PXDNL: variants seen among roughly 807,000 people sequenced by gnomAD.
PXDNL encodes peroxidasin like, also known as probable oxidoreductase PXDNL.
Under a neutral mutation model 150.8 loss-of-function variants are expected in PXDNL, and 145 were observed. The ratio of observed to expected loss-of-function variants is 0.96; its 90% CI spans 0.84 to 1.10. The LOEUF (loss-of-function observed/expected upper bound fraction) is 1.10. Ranked by LOEUF, PXDNL falls within the 50% of genes least tolerant of loss-of-function variation. PXDNL has a pLI of 0.00. For missense variants in PXDNL, 2,087 were observed against 1,873.9 expected, an observed-to-expected ratio of 1.11 and a Z score of -2.10; for synonymous variants, 757 against 725.7, an observed-to-expected ratio of 1.04 and a Z score of -0.69.
At chr8:51,406,127 G>A (rs577749597) in intron 17 of PXDNL, among the ~76,000 whole-genome samples, 18 of 152,250 alleles carry the variant, frequency 1.2e-4, no homozygotes, top group African/African-American at 3.9e-4. Context: ...GAGGAATTTG[G>A]GACAGGAAAT....
intron 4 of PXDNL, among the ~76,000 whole-genome samples, chr8:51,543,631 G>A (rs1199589254): frequency 6.8e-6 from 1 of 146,064 alleles, no homozygotes; most frequent in Non-Finnish European, 1.5e-5. Context: ...AGAATCACTT[G>A]AATCTGGGAG....
intron 7 of PXDNL, 47 bp from the exon 8 acceptor site, chr8:51,472,351 T>C (rs1810363199): frequency 7.0e-7 from 1 of 1,436,152 alleles, no homozygotes; most frequent in South Asian, 1.2e-5. Flanking sequence ...TACAAAATTA[T>C]GGCCTTCCAA....
intron 4 of PXDNL, among the ~76,000 whole-genome samples, chr8:51,547,548 A>T (rs1003360360): frequency 1.3e-5 from 2 of 152,186 alleles, no homozygotes; most frequent in Non-Finnish European, 2.9e-5. Context: ...GCACCAGCCT[A>T]CAGCCCAGTA....
intron 21 of PXDNL, among the ~76,000 whole-genome samples, chr8:51,332,116 C>T (rs1466310781): frequency 6.6e-6 from 1 of 152,136 alleles, no homozygotes; most frequent in African/African-American, 2.4e-5. Flanking sequence ...TGCTGGCATC[C>T]ATGGCTGAGA....
At chr8:51,528,638 C>CA (rs1811815859) in intron 4 of PXDNL, among the ~76,000 whole-genome samples, 1 of 152,104 alleles carries the variant, frequency 6.6e-6, no homozygotes, top group Non-Finnish European at 1.5e-5. Flanking sequence ...AATCTAATCA[C>CA]ACCAGTTCTT....
chr8:51,661,129 C>T (rs1015270766), intron 1 of PXDNL, among the ~76,000 whole-genome samples: 6 of 152,170 alleles, frequency 3.9e-5, no homozygotes, highest in East Asian at 1.9e-4. Flanking sequence ...ATTGGAAATA[C>T]ATTTTCCAGG....
At chr8:51,694,451 TAGACCAAC>T (rs1331367340) in intron 1 of PXDNL, among the ~76,000 whole-genome samples, 2 of 152,232 alleles carry the variant, frequency 1.3e-5, no homozygotes, top group Non-Finnish European at 2.9e-5. Context: ...ATATGTTAAA[TAGACCAAC>T]AGGAACTTAG....
intron 1 of PXDNL, among the ~76,000 whole-genome samples, chr8:51,782,244 G>A (rs1013159176): frequency 6.6e-6 from 1 of 152,012 alleles, no homozygotes; most frequent in Non-Finnish European, 1.5e-5. Flanking sequence ...AGATGCCTTG[G>A]GCTTCCCCCT....
chr8:51,459,633 G>GC (rs1025838159), intron 8 of PXDNL, among the ~76,000 whole-genome samples: 2 of 152,094 alleles, frequency 1.3e-5, no homozygotes, highest in African/African-American at 4.8e-5. Flanking sequence ...CATAAAACTT[G>GC]TTTGCTCATG....
rs540348208 is a variant in PXDNL, at chr8:51,477,483, G to A, written c.525-2342C>T. On this transcript the variant is annotated intron_variant, in intron 6 of 22. Coordinates refer to ENST00000356297, the MANE Select transcript of PXDNL (RefSeq NM_144651.5). ...AGCGCTGTTGGTTCAGTGGGCCTCGGCTGTTCCTTGTCACTGACTGACTTA... is the reference window on the plus strand; with the variant it reads ...AGCGCTGTTGGTTCAGTGGGCCTCGACTGTTCCTTGTCACTGACTGACTTA... Among the ~76,000 whole-genome samples the A allele has an allele frequency of 2.6e-5, 4 of 152,316 alleles. No homozygotes were observed. The South Asian group carries it at 6.2e-4, about 24-fold the overall frequency.
At chr8:51,657,841 T>C (rs1815183347) in intron 1 of PXDNL, among the ~76,000 whole-genome samples, 1 of 152,218 alleles carries the variant, frequency 6.6e-6, no homozygotes. Flanking sequence ...ATGTATCTAT[T>C]ATCAGAATTC....
At chr8:51,505,315 C>T (rs781669132) in intron 4 of PXDNL, among the ~76,000 whole-genome samples, 41 of 141,500 alleles carry the variant, frequency 2.9e-4, no homozygotes, top group Admixed American at 3.5e-4. Flanking sequence ...GAGAATGATT[C>T]TCAGTGTGAG....
rs530965479 is a variant in PXDNL, at chr8:51,367,222, G to T, written c.3901+4651C>A. On this transcript the variant is annotated intron_variant, in intron 19 of 22. Coordinates refer to ENST00000356297, the MANE Select transcript of PXDNL (RefSeq NM_144651.5). ...GCCTGGGATGTTCACCCTCACCATT[G>T]TTAACACACAGCATTTGCAGAGAGC... Among the ~76,000 whole-genome samples, 4 of 150,492 alleles carry T rather than the reference G, an allele frequency of 2.7e-5. No individual in the cohort carries two copies. The East Asian group carries it at 7.9e-4, about 30-fold the overall frequency.
At chr8:51,353,937 A>G (rs1484237885) in intron 19 of PXDNL, among the ~76,000 whole-genome samples, 2 of 152,104 alleles carry the variant, frequency 1.3e-5, no homozygotes, top group Non-Finnish European at 2.9e-5. Context: ...TTGCTTATGT[A>G]TGGCCCTTGT....
intron 4 of PXDNL, among the ~76,000 whole-genome samples, chr8:51,543,691 A>T (rs148238666): frequency 6.8e-6 from 1 of 146,690 alleles, no homozygotes; most frequent in African/African-American, 2.6e-5. Context: ...CAGCCTGGTG[A>T]CAGAGCGAGA....
chr8:51,808,971 A>G (rs2129267945), intron 1 of PXDNL, among the ~76,000 whole-genome samples: 1 of 152,338 alleles, frequency 6.6e-6, no homozygotes, highest in Admixed American at 6.5e-5. Flanking sequence ...AACTGAATCC[A>G]AAACAAATAT....
chr8:51,345,710 G>T, intron 20 of PXDNL, 123 bp downstream of exon 20: 1 of 577,874 alleles, frequency 1.7e-6, no homozygotes, highest in African/African-American at 1.9e-5. Context: ...TCCTTTTCAT[G>T]TGATTCATCC....
chr8:51,490,237 G>C (rs1810859662), intron 5 of PXDNL, among the ~76,000 whole-genome samples: 1 of 152,064 alleles, frequency 6.6e-6, no homozygotes, highest in Non-Finnish European at 1.5e-5. Context: ...AATTATTTTT[G>C]AAGTGGCCAG....
At chr8:51,593,355 T>A (rs972006063) in intron 2 of PXDNL, among the ~76,000 whole-genome samples, 3 of 152,150 alleles carry the variant, frequency 2.0e-5, no homozygotes, top group Non-Finnish European at 2.9e-5. Context: ...AATTATAAAT[T>A]TTTTTCTAGT....
Sources: allele counts gnomAD v4.1 joint callset (sites outside exome capture counted in the v4.1 genomes callset), GRCh38; gene constraint gnomAD v4.1.1; transcripts MANE v1.5; gene names NCBI Gene and HGNC (gene_info 2026-07-23, HGNC 2026-07-21).